ADGRA1: variants seen among roughly 807,000 people sequenced by gnomAD.
ADGRA1 encodes the protein G-protein coupled receptor 123.
In ADGRA1, 12 loss-of-function variants were observed where a neutral mutation model predicts 21.3. The observed-to-expected ratio is 0.56, with a 90% CI of 0.36 to 0.91. ADGRA1 has a LOEUF of 0.91. Ranked by LOEUF, ADGRA1 falls within the 40% of genes least tolerant of loss-of-function variation. ADGRA1 has a pLI of 0.01. For missense variants in ADGRA1, 790 were observed against 805.6 expected (o/e 0.98, Z 0.23); for synonymous variants, 385 against 368.8 (o/e 1.04, Z -0.50).
chr10:133,105,487 A>G (rs1395399578), intron 5 of ADGRA1, among the ~76,000 whole-genome samples: 1 of 152,132 alleles, frequency 6.6e-6, no homozygotes, highest in African/African-American at 2.4e-5. Flanking sequence ...CTGAAGGCCC[A>G]CAGCTGGGGT....
chr10:133,097,932 A>G (rs531123621), intron 3 of ADGRA1, among the ~76,000 whole-genome samples: 1 of 152,240 alleles, frequency 6.6e-6, no homozygotes, highest in South Asian at 2.1e-4. Context: ...TCCCATCACC[A>G]CAGCTCTGCC....
intron 5 of ADGRA1, among the ~76,000 whole-genome samples, chr10:133,103,913 C>T (rs1029009948): frequency 5.9e-5 from 9 of 152,220 alleles, no homozygotes; most frequent in Non-Finnish European, 1.0e-4. Flanking sequence ...CCTGGGGCTC[C>T]CTGAATGCCT....
intron 5 of ADGRA1, among the ~76,000 whole-genome samples, chr10:133,106,391 G>A (rs1851894012): frequency 6.6e-6 from 1 of 152,236 alleles, no homozygotes; most frequent in Admixed American, 6.5e-5. Flanking sequence ...GGAACCCTTA[G>A]AGACCCTTTT....
chr10:133,112,392 A>ACGGGCTACGTCGGTTATTTGGGGTCTC, intron 5 of ADGRA1, among the ~76,000 whole-genome samples: 1 of 87,780 alleles, frequency 1.1e-5, no homozygotes, highest in Non-Finnish European at 2.3e-5. Context: ...TTTGGGGTCT[A>ACGGGCTACGTCGGTTATTTGGGGTCTC]CGGGCCGCGT....
intron 3 of ADGRA1, 66 bp downstream of exon 3, chr10:133,097,167 G>C: frequency 6.3e-7 from 1 of 1,578,824 alleles, no homozygotes; most frequent in South Asian, 1.1e-5. Context: ...TCAAAGGCAA[G>C]TCCCTGAAGG....
At chr10:133,091,331 T>A (rs995125365) in intron 2 of ADGRA1, among the ~76,000 whole-genome samples, 4 of 151,706 alleles carry the variant, frequency 2.6e-5, no homozygotes, top group Non-Finnish European at 5.9e-5. Flanking sequence ...GTGTGGCTGG[T>A]GCAGTGTGGT....
At chr10:133,117,063 G>A (rs541195384) in intron 5 of ADGRA1, among the ~76,000 whole-genome samples, 29 of 152,268 alleles carry the variant, frequency 1.9e-4, no homozygotes, top group African/African-American at 7.0e-4. Flanking sequence ...AGTCCCAGGT[G>A]CTCTCATGGA....
At chr10:133,125,463 G>T (rs376359256) in intron 5 of ADGRA1, among the ~76,000 whole-genome samples, 3 of 151,980 alleles carry the variant, frequency 2.0e-5, no homozygotes, top group Admixed American at 6.6e-5. Flanking sequence ...TCGTTCTGTC[G>T]CCCAGGCTGG....
rs141389661 is a variant in ADGRA1 at position 133,110,357 on chromosome 10, C to T, written c.401+7515C>T. On this transcript the variant is annotated intron_variant, in intron 5 of 6. Transcript: ENST00000392607. ...GGAGCCTCACACTCTGGCGGGAAGG[C>T]AGGTGCTGCCGTCAGTCATAAGGTT... is the stretch of plus-strand genomic sequence containing the variant. 1.0e-4 allele frequency among the ~76,000 whole-genome samples: 16 copies of T among 152,396 alleles called. No homozygotes were observed. In the East Asian group the frequency reaches 3.1e-3, roughly 29 times the overall value.
intron 5 of ADGRA1, among the ~76,000 whole-genome samples, chr10:133,106,524 C>T (rs1422385404): frequency 2.0e-5 from 3 of 152,136 alleles, no homozygotes; most frequent in Non-Finnish European, 4.4e-5. Context: ...CACATGCATC[C>T]CTGTGGGCGT....
chr10:133,103,807 G>T (rs562996003), intron 5 of ADGRA1, among the ~76,000 whole-genome samples: 43 of 152,332 alleles, frequency 2.8e-4, no homozygotes, highest in Non-Finnish European at 5.4e-4. Flanking sequence ...TTCCTTTTCT[G>T]AACTGAGACT....
At position 133,102,787 on chromosome 10, in the gene ADGRA1, G is replaced by A. The variant is rs1851820261; in HGVS notation, c.346G>A (p.Ala116Thr). 18 of 1,612,836 alleles carry A rather than the reference G, an allele frequency of 1.1e-5. No homozygotes were observed. Among genetic ancestry groups the A allele is most frequent in the Non-Finnish European group, 1.4e-5 (16 of 1,179,854 alleles). Reference sequence around the variant, plus strand: ...CATCTACAAGCAGGTGACCAAGAAGGCCCCTCTGTGCCTGGACACAGACCA... The same window carrying A: ...CATCTACAAGCAGGTGACCAAGAAGACCCCTCTGTGCCTGGACACAGACCA... ...RNIYKQVTKK[A>T]PLCLDTDQPP... Residue 116 changes from alanine (A) to threonine (T), a missense_variant, in exon 5 of 7, where the codon GCC (alanine) becomes ACC (threonine). Physicochemically the swap from Ala to Thr is moderately conservative, Grantham distance 58. Transcript: ENST00000392607.
At chr10:133,123,522 C>T (rs948218442) in intron 5 of ADGRA1, among the ~76,000 whole-genome samples, 6 of 152,340 alleles carry the variant, frequency 3.9e-5, no homozygotes, top group South Asian at 4.1e-4. Flanking sequence ...GCAGCACGCC[C>T]GTCCTGTAAC....
chr10:133,110,317 G>A (rs546503948), intron 5 of ADGRA1, among the ~76,000 whole-genome samples: 14 of 152,370 alleles, frequency 9.2e-5, no homozygotes, highest in East Asian at 5.8e-4. Flanking sequence ...TGCCAGCTCC[G>A]CTGGCCACAG....
rs1389712742 is a variant in ADGRA1, at chr10:133,128,935, C to T, written c.1107C>T (p.Ala369=). ...CCTGCAAGATGACCAACCTGCAGGC[C>T]GCGCAGGGCCACGCCAGTTGCCTGT... is the stretch of plus-strand genomic sequence containing the variant. ...PGPCKMTNLQ[A]AQGHASCLSP... The change falls in exon 7 of 7, where the codon GCC becomes GCT. Residue 369 remains alanine (A), a synonymous_variant. Transcript: ENST00000392607. The T allele has an allele frequency of 4.5e-6, 7 of 1,554,254 alleles. No individual in the cohort carries two copies. Among genetic ancestry groups the T allele is most frequent in the African/African-American group, 1.4e-5 (1 of 73,948 alleles).
At chr10:133,114,570 C>T (rs1852121787) in intron 5 of ADGRA1, among the ~76,000 whole-genome samples, 2 of 152,190 alleles carry the variant, frequency 1.3e-5, no homozygotes, top group African/African-American at 4.8e-5. Context: ...CCTGCATCCA[C>T]CCTCAGAGGT....
rs756324745 is a variant in ADGRA1, at chr10:133,093,285, C to T, written c.4-3689C>T. On this transcript the variant is annotated intron_variant, in intron 2 of 6. Transcript: ENST00000392607. ...TTAAGTTTTGATCAGAAAATTCACA[C>T]ATAACTTGACCGACTGCTTCCTTCT... 7 of 1,559,220 alleles carry T rather than the reference C, an allele frequency of 4.5e-6. No individual in the cohort carries two copies. The East Asian group carries it at 6.9e-5, about 15-fold the overall frequency.
intron 5 of ADGRA1, among the ~76,000 whole-genome samples, chr10:133,125,386 A>G (rs10857783): frequency 0.19 from 29,258 of 151,828 alleles, 3,321 homozygotes; most frequent in East Asian, 0.46. Context: ...CTTCTTTTGG[A>G]TTATTTTAAT....
chr10:133,099,488 C>A, intron 4 of ADGRA1, among the ~76,000 whole-genome samples: 1 of 152,146 alleles, frequency 6.6e-6, no homozygotes, highest in East Asian at 1.9e-4. Flanking sequence ...CTGGAGAGCA[C>A]CGAGCATTGA....
Sources: allele counts gnomAD v4.1 joint callset (sites outside exome capture counted in the v4.1 genomes callset), GRCh38; gene constraint gnomAD v4.1.1; transcripts MANE v1.5; gene names NCBI Gene and HGNC (gene_info 2026-07-23, HGNC 2026-07-21).